SLC35F1: variants seen among roughly 807,000 people sequenced by gnomAD.
The protein encoded by SLC35F1 is chromosome 6 open reading frame 169.
A neutral mutation model predicts 48.7 loss-of-function variants in SLC35F1; 14 were observed. The ratio of observed to expected loss-of-function variants is 0.29; its 90% confidence interval spans 0.19 to 0.45. The LOEUF is 0.45. SLC35F1 is among the 20% of genes least tolerant of loss of function. SLC35F1 has a pLI of 1.00. For missense variants in SLC35F1, 404 were observed against 500.0 expected, an observed-to-expected ratio of 0.81 and a Z score of 1.83; for synonymous variants, 190 against 202.2, an observed-to-expected ratio of 0.94 and a Z score of 0.51.
intron 2 of SLC35F1, among the ~76,000 whole-genome samples, chr6:118,202,430 G>A (rs141065555): frequency 7.4e-4 from 112 of 152,304 alleles, no homozygotes; most frequent in African/African-American, 2.5e-3. Flanking sequence ...CCAGGAGTTT[G>A]AGGCTGCAGT....
rs181562968 is a variant in SLC35F1, at chr6:118,029,304, G to A, written c.173+121405G>A. ...CTTATCTGAGGTTTCACTTTCTGAG[G>A]TTTCAGTTACCCACAGTCTACCATG... On this transcript the variant is annotated intron_variant, in intron 1 of 7. Coordinates refer to ENST00000360388, the MANE Select transcript of SLC35F1 (RefSeq NM_001029858.4). Among the ~76,000 whole-genome samples the A allele has an allele frequency of 2.0e-5, 3 of 152,200 alleles. No homozygotes were observed. In the East Asian group the frequency reaches 5.8e-4, roughly 29 times the overall value.
chr6:118,098,368 G>A (rs1397396591), intron 1 of SLC35F1, among the ~76,000 whole-genome samples: 2 of 152,130 alleles, frequency 1.3e-5, no homozygotes, highest in African/African-American at 4.8e-5. Flanking sequence ...TGCCAGTGCT[G>A]TCTTCACTAT....
At chr6:118,109,027 T>G (rs1166447421) in intron 1 of SLC35F1, among the ~76,000 whole-genome samples, 1 of 152,158 alleles carries the variant, frequency 6.6e-6, no homozygotes, top group African/African-American at 2.4e-5. Flanking sequence ...AAGCTAATGA[T>G]GAAGAGTTTA....
chr6:118,136,192 A>T (rs1341406037), intron 1 of SLC35F1, among the ~76,000 whole-genome samples: 1 of 152,128 alleles, frequency 6.6e-6, no homozygotes, highest in Non-Finnish European at 1.5e-5. Flanking sequence ...AACCTTCCTC[A>T]TGTAGCAATG....
chr6:118,280,839 C>T (rs1162265712), intron 6 of SLC35F1, among the ~76,000 whole-genome samples: 1 of 151,542 alleles, frequency 6.6e-6, no homozygotes, highest in Non-Finnish European at 1.5e-5. Flanking sequence ...CAACTGCACT[C>T]CAGCCTGGAA....
At chr6:118,225,362 A>T (rs1775201908) in intron 2 of SLC35F1, among the ~76,000 whole-genome samples, 1 of 152,214 alleles carries the variant, frequency 6.6e-6, no homozygotes, top group East Asian at 1.9e-4. Flanking sequence ...CTAATTTTTA[A>T]CAAAGGTGCC....
In SLC35F1 at chr6:118,316,372, C is replaced by G. The variant is rs1245228930; in HGVS notation, c.*2120C>G. The G allele has an allele frequency of 1.3e-5, 2 of 152,664 alleles. No homozygotes were observed. The highest frequency in any genetic ancestry group is 4.8e-5 in the African/African-American group (2 of 41,454). The allele number at this position is 152,664 out of a possible 1,614,324, so 9.5% of individuals were successfully genotyped here. A position where few individuals can be genotyped will look rare whatever the true frequency, so the allele number is the denominator to read the frequency against. On this transcript the variant is annotated 3_prime_UTR_variant, in exon 8 of 8. Coordinates refer to ENST00000360388, the MANE Select transcript of SLC35F1 (RefSeq NM_001029858.4). The stretch of plus-strand genomic sequence containing the variant: ...AAACAACTTTGCCAACATCTTCTCT[C>G]TGCTACCTTTTAAACCAATTAAATA...
intron 1 of SLC35F1, among the ~76,000 whole-genome samples, chr6:118,117,361 T>C (rs945792007): frequency 6.6e-6 from 1 of 152,188 alleles, no homozygotes; most frequent in Admixed American, 6.5e-5. Context: ...TTATTGCTTA[T>C]GGCATAGAAC....
rs371572934 is a variant in SLC35F1 at position 118,067,071 on chromosome 6, G to A, written c.174-87374G>A. ...GACACAGAGGAGAAGCTCTAAAGCA[G>A]TAAAGTTCAAACATATTTTAAAAAT... On this transcript the variant is annotated intron_variant, in intron 1 of 7. Transcript: ENST00000360388. Among the ~76,000 whole-genome samples, 10 of 152,234 alleles carry A rather than the reference G, an allele frequency of 6.6e-5. No individual in the cohort carries two copies. The East Asian group carries it at 9.6e-4, about 15-fold the overall frequency.
intron 2 of SLC35F1, among the ~76,000 whole-genome samples, chr6:118,176,737 CTTTTG>C (rs532229732): frequency 6.9e-4 from 105 of 152,050 alleles, no homozygotes; most frequent in African/African-American, 2.4e-3. Context: ...GTTTGTTTTT[CTTTTG>C]TTTTGTTTTG....
intron 1 of SLC35F1, among the ~76,000 whole-genome samples, chr6:118,056,716 A>G (rs1462443066): frequency 6.6e-6 from 1 of 152,192 alleles, no homozygotes; most frequent in Non-Finnish European, 1.5e-5. Flanking sequence ...TCGAGTGTGG[A>G]ACAGAAAAAT....
At chr6:118,175,689 C>G (rs17335960) in intron 2 of SLC35F1, among the ~76,000 whole-genome samples, 2,070 of 152,174 alleles carry the variant, frequency 0.014, 25 homozygotes, top group Non-Finnish European at 0.021. Flanking sequence ...GGGAACACTT[C>G]CAGCAAATAT....
intron 1 of SLC35F1, among the ~76,000 whole-genome samples, chr6:118,104,693 T>G (rs1439654515): frequency 2.0e-5 from 3 of 152,208 alleles, no homozygotes; most frequent in Admixed American, 6.5e-5. Flanking sequence ...CTCATCATCG[T>G]TATCTTGAAG....
At chr6:117,983,198 G>T (rs1377050526) in intron 1 of SLC35F1, among the ~76,000 whole-genome samples, 1 of 152,170 alleles carries the variant, frequency 6.6e-6, no homozygotes, top group Non-Finnish European at 1.5e-5. Context: ...TCAAAGGGCA[G>T]TCAGCAACAG....
intron 1 of SLC35F1, among the ~76,000 whole-genome samples, chr6:118,100,214 C>A (rs1014650329): frequency 2.0e-5 from 3 of 152,276 alleles, no homozygotes; most frequent in Admixed American, 6.5e-5. Flanking sequence ...AACCACCATG[C>A]CATACTGCCT....
Position 117,978,562 on chromosome 6 carries a change from C to T in SLC35F1, c.173+70663C>T, listed in dbSNP as rs113977860. ...TACAAAAACTTTACTTTTCCCTTCACGTTATTTTCTTCACTGGCCCTTTCC... is the reference window on the plus strand; with the variant it reads ...TACAAAAACTTTACTTTTCCCTTCATGTTATTTTCTTCACTGGCCCTTTCC... On this transcript the variant is annotated intron_variant, in intron 1 of 7. Coordinates refer to ENST00000360388, the MANE Select transcript of SLC35F1 (RefSeq NM_001029858.4). Among the ~76,000 whole-genome samples the T allele has an allele frequency of 7.3e-3, 1,113 of 152,256 alleles. 11 individuals carry two copies. Among genetic ancestry groups the T allele is most frequent in the South Asian group, 0.032 (154 of 4,824 alleles).
At position 117,920,454 on chromosome 6, in the gene SLC35F1, A is replaced by C. The variant is rs546130775; in HGVS notation, c.173+12555A>C. Among the ~76,000 whole-genome samples, 8 of 152,346 alleles carry C rather than the reference A, an allele frequency of 5.3e-5. No homozygotes were observed. The South Asian group carries it at 1.7e-3, about 32-fold the overall frequency. On this transcript the variant is annotated intron_variant, in intron 1 of 7. Transcript: ENST00000360388. ...CAGGAGATAATCTGTCCTTGGAACT[A>C]GTGCAAGTCAGTTTTTAACTACTTG...
intron 7 of SLC35F1, among the ~76,000 whole-genome samples, chr6:118,291,242 TACACACACAC>T (rs10603708): frequency 0.49 from 72,748 of 148,602 alleles, 18,278 homozygotes; most frequent in Middle Eastern, 0.59. Flanking sequence ...GTATCATGTA[TACACACACAC>T]ACACACACAC....
intron 1 of SLC35F1, among the ~76,000 whole-genome samples, chr6:117,993,166 A>T (rs1582605123): frequency 6.6e-6 from 1 of 152,054 alleles, no homozygotes; most frequent in East Asian, 1.9e-4. Context: ...TTCTGCCCTC[A>T]TGGGTGCCTG....
Sources: allele counts gnomAD v4.1 joint callset (sites outside exome capture counted in the v4.1 genomes callset), GRCh38; gene constraint gnomAD v4.1.1; transcripts MANE v1.5; gene names NCBI Gene and HGNC (gene_info 2026-07-23, HGNC 2026-07-21).